IGF1R: variants seen among roughly 807,000 people sequenced by gnomAD.
The protein encoded by IGF1R is insulin-like growth factor 1 receptor.
A neutral mutation model predicts 144.6 loss-of-function variants in IGF1R; 44 were observed. The observed-to-expected ratio is 0.30, with a 90% CI of 0.24 to 0.39. IGF1R has a LOEUF of 0.39. Ranked by LOEUF, IGF1R falls within the 10% of genes least tolerant of loss-of-function variation. IGF1R has a pLI of 1.00. For synonymous variants in IGF1R, 795 were observed against 722.8 expected (o/e 1.10, Z -1.60); for missense variants, 1,355 against 1,833.7 (o/e 0.74, Z 4.77).
rs2017230970 is a variant in IGF1R at position 98,961,634 on chromosome 15, C to A, written c.*4192C>A. The A allele has an allele frequency of 4.3e-6, 1 of 233,752 alleles. No individual in the cohort carries two copies. The allele number at this position is 233,752 out of a possible 1,614,324, so 14.5% of individuals were successfully genotyped here. On this transcript the variant is annotated 3_prime_UTR_variant, in exon 21 of 21. Transcript: ENST00000650285. Reference sequence around the variant, plus strand: ...TCACACTGCTTGAAGTCATATGAACCACTGAGGCACATCATGGAATTGATG... The same window carrying A: ...TCACACTGCTTGAAGTCATATGAACAACTGAGGCACATCATGGAATTGATG...
At chr15:98,762,040 G>T (rs1205098554) in intron 2 of IGF1R, among the ~76,000 whole-genome samples, 2 of 152,068 alleles carry the variant, frequency 1.3e-5, no homozygotes, top group Non-Finnish European at 2.9e-5. Context: ...TTCCCTGTTT[G>T]GGGGCCTGTA....
At chr15:98,834,291 G>A (rs1255328135) in intron 2 of IGF1R, among the ~76,000 whole-genome samples, 3 of 152,180 alleles carry the variant, frequency 2.0e-5, no homozygotes, top group Non-Finnish European at 4.4e-5. Flanking sequence ...AGTGTTTATG[G>A]TGGAAACCTC....
rs1335953435 is a variant in IGF1R at position 98,959,192 on chromosome 15, C to G, written c.*1750C>G. On this transcript the variant is annotated 3_prime_UTR_variant, in exon 21 of 21. Coordinates refer to ENST00000650285, the MANE Select transcript of IGF1R (RefSeq NM_000875.5). ...CCTTGCCTTTGCTTAGGTTGTGACA[C>G]ACATATATATATATTTTTTTAATTC... 2 of 233,318 alleles carry G rather than the reference C, an allele frequency of 8.6e-6. No homozygotes were observed. The highest frequency in any genetic ancestry group is 1.7e-5 in the Non-Finnish European group (2 of 118,008). The allele number at this position is 233,318 out of a possible 1,614,324, so 14.5% of individuals were successfully genotyped here. A position where few individuals can be genotyped will look rare whatever the true frequency, so the allele number is the denominator to read the frequency against.
At chr15:98,908,623 A>G in intron 5 of IGF1R, 62 bp from the exon 6 acceptor site, 1 of 1,290,440 alleles carries the variant, frequency 7.7e-7, no homozygotes, top group Non-Finnish European at 1.1e-6. Flanking sequence ...TTACGTGGCC[A>G]GCAGGCTAGA....
At position 98,939,297 on chromosome 15, in the gene IGF1R, G is replaced by C; in HGVS notation, c.3394G>C (p.Val1132Leu). The C allele has an allele frequency of 1.2e-6, 2 of 1,614,082 alleles. No homozygotes were observed. Among genetic ancestry groups the C allele is most frequent in the Middle Eastern group, 1.6e-4 (1 of 6,062 alleles). ...GGCATACCTCAACGCCAATAAGTTC[G>C]TCCACAGAGACCTTGCTGCCCGGAA... Reference protein sequence around the residue: ...GMAYLNANKFVHRDLAARNCM... With the variant: ...GMAYLNANKFLHRDLAARNCM... The change falls in exon 18 of 21, where the codon GTC (valine) becomes CTC (leucine). Residue 1132 changes from valine to leucine, a missense_variant. By Grantham distance (32) the Val-to-Leu change is conservative. Around this residue, in one of 7 missense-constraint regions of IGF1R, gnomAD observed 77 missense variants for 163.2 expected, o/e 0.47. Transcript: ENST00000650285.
rs545690066 is a variant in IGF1R at position 98,771,050 on chromosome 15, T to C, written c.640+62943T>C. 3.5e-4 allele frequency among the ~76,000 whole-genome samples: 54 copies of C among 152,270 alleles called. 1 individual carries two copies. In the East Asian group the frequency reaches 9.5e-3, roughly 27 times the overall value. ...GAGGACTTTGTTCTGTGGATGAAAC[T>C]TCGAATGAGGATTGTTGGTGAGAGT... is the stretch of plus-strand genomic sequence containing the variant. On this transcript the variant is annotated intron_variant, in intron 2 of 20. Coordinates refer to ENST00000650285, the MANE Select transcript of IGF1R (RefSeq NM_000875.5).
At chr15:98,957,034 AC>A (rs748220122) in intron 20 of IGF1R, 26 bp from the exon 21 acceptor site, 16 of 1,613,498 alleles carry the variant, frequency 9.9e-6, no homozygotes, top group African/African-American at 6.7e-5. Context: ...CCCGGTTTGG[AC>A]CCCCTCCCGT....
At chr15:98,850,428 G>C (rs965479339) in intron 2 of IGF1R, among the ~76,000 whole-genome samples, 3 of 152,130 alleles carry the variant, frequency 2.0e-5, no homozygotes, top group African/African-American at 7.2e-5. Flanking sequence ...CAGACACCTG[G>C]GGGGGGCACC....
chr15:98,661,969 T>C, intron 1 of IGF1R, among the ~76,000 whole-genome samples: 1 of 141,486 alleles, frequency 7.1e-6, no homozygotes, highest in East Asian at 2.1e-4. Flanking sequence ...TTTTTTTTTT[T>C]TTTTTTTTTT....
chr15:98,899,557 G>A lies in IGF1R; in HGVS notation c.1183G>A (p.Ala395Thr). Residue 395 changes from alanine to threonine, a missense_variant, in exon 5 of 21, where the codon GCC becomes ACC. Physicochemically the swap from Ala to Thr is moderately conservative, Grantham distance 58. Coordinates refer to ENST00000650285, the MANE Select transcript of IGF1R (RefSeq NM_000875.5). Reference protein sequence around the residue: ...TGYVKIRHSHALVSLSFLKNL... With the variant: ...TGYVKIRHSHTLVSLSFLKNL... ...CTACGTGAAGATCCGCCATTCTCAT[G>A]CCTTGGTCTCCTTGTCCTTCCTAAA... 8 of 1,614,192 alleles carry A rather than the reference G, an allele frequency of 5.0e-6. No individual in the cohort carries two copies. The highest frequency in any genetic ancestry group is 6.8e-6 in the Non-Finnish European group (8 of 1,180,016).
At chr15:98,715,887 C>T (rs916109612) in intron 2 of IGF1R, among the ~76,000 whole-genome samples, 1 of 152,204 alleles carries the variant, frequency 6.6e-6, no homozygotes, top group African/African-American at 2.4e-5. Flanking sequence ...GTCTGTGGCA[C>T]AGGCAGTATT....
At chr15:98,767,605 C>G (rs1313497932) in intron 2 of IGF1R, among the ~76,000 whole-genome samples, 1 of 152,162 alleles carries the variant, frequency 6.6e-6, no homozygotes, top group African/African-American at 2.4e-5. Context: ...CTGCAGTTTG[C>G]AAGTGCAGCG....
At chr15:98,847,316 AGTATGGAAAGCTCC>A (rs1567159131) in intron 2 of IGF1R, among the ~76,000 whole-genome samples, 1 of 152,290 alleles carries the variant, frequency 6.6e-6, no homozygotes, top group East Asian at 1.9e-4. Flanking sequence ...TCTTGGTATA[AGTATGGAAAGCTCC>A]GTAGATGCCG....
chr15:98,748,554 G>A (rs551269984), intron 2 of IGF1R, among the ~76,000 whole-genome samples: 25 of 152,272 alleles, frequency 1.6e-4, no homozygotes, highest in African/African-American at 2.9e-4. Flanking sequence ...GGAAATGAGC[G>A]TGCAAATCGT....
intron 2 of IGF1R, among the ~76,000 whole-genome samples, chr15:98,831,953 C>T (rs1428910612): frequency 6.6e-6 from 1 of 151,992 alleles, no homozygotes; most frequent in Non-Finnish European, 1.5e-5. Flanking sequence ...CAGAGAACAG[C>T]CTTGTCCTGT....
At chr15:98,886,158 T>A (rs1188299679) in intron 2 of IGF1R, among the ~76,000 whole-genome samples, 1 of 152,090 alleles carries the variant, frequency 6.6e-6, no homozygotes, top group African/African-American at 2.4e-5. Context: ...CACTAATGAT[T>A]ATTTAAAAAA....
At chr15:98,739,857 G>T (rs1239088052) in intron 2 of IGF1R, among the ~76,000 whole-genome samples, 1 of 152,158 alleles carries the variant, frequency 6.6e-6, no homozygotes, top group Non-Finnish European at 1.5e-5. Context: ...TTCCGAAGGG[G>T]CTGGGATTAC....
intron 2 of IGF1R, among the ~76,000 whole-genome samples, chr15:98,808,887 T>A (rs1387673539): frequency 1.3e-5 from 2 of 152,128 alleles, no homozygotes; most frequent in African/African-American, 4.8e-5. Context: ...AGAGTCTTAC[T>A]CTATTGCCCA....
At chr15:98,653,423 A>C (rs1028653881) in intron 1 of IGF1R, among the ~76,000 whole-genome samples, 1 of 152,240 alleles carries the variant, frequency 6.6e-6, no homozygotes, top group African/African-American at 2.4e-5. Context: ...AAGTGGTAGT[A>C]AGGACTGAGG....
Sources: gnomAD v4.1 joint callset for allele counts (sites outside exome capture counted in the v4.1 genomes callset) on GRCh38, gnomAD v4.1.1 for gene constraint, gnomAD v4.1.1 regional missense constraint, MANE v1.5 for transcripts, NCBI Gene and HGNC (gene_info 2026-07-23, HGNC 2026-07-21) for gene names.